The following TTN variants were observed in gnomAD, a reference collection of about 807,000 sequenced individuals.
TTN encodes titin.
In TTN, 1,525 loss-of-function variants were observed where a neutral mutation model predicts 3,223.0. The ratio of observed to expected loss-of-function variants is 0.47; its 90% confidence interval spans 0.45 to 0.49. The LOEUF (loss-of-function observed/expected upper bound fraction) is 0.49. TTN is among the 20% of genes least tolerant of loss of function. The probability of loss-of-function intolerance (pLI) is 0.00; values close to 1 mark genes in which losing one functional copy is unlikely to be tolerated. For missense variants in TTN, 40,786 were observed against 43,424.0 expected, an observed-to-expected ratio of 0.94 and a Z score of 5.40; for synonymous variants, 14,094 against 15,161.0, an observed-to-expected ratio of 0.93 and a Z score of 5.17.
rs796983452 is a variant in TTN at position 178,715,270 on chromosome 2, A to G, written c.25922-6T>C. ...TTTGCGGAAAATGGGTGGTTCTAAA[A>G]TTGGAAAAAAGGAAAATACGGATGT... On this transcript the variant is annotated splice_region_variant and splice_polypyrimidine_tract_variant and intron_variant, in intron 89 of 362. Coordinates refer to ENST00000589042, the MANE Select transcript of TTN (RefSeq NM_001267550.2). The G allele has an allele frequency of 6.3e-7, 1 of 1,592,282 alleles. No homozygotes were observed. The highest frequency in any genetic ancestry group is 1.4e-5 in the African/African-American group (1 of 73,682).
intron 220 of TTN, 91 bp from the exon 221 acceptor site, chr2:178,640,721 T>C (rs746954181): frequency 9.3e-7 from 1 of 1,071,588 alleles, no homozygotes; most frequent in Non-Finnish European, 1.4e-6. Flanking sequence ...AAAAACTCTA[T>C]GGATGGTTTT....
At position 178,636,459 on chromosome 2, in the gene TTN, G is replaced by A. The variant is rs748029584; in HGVS notation, c.41268C>T (p.Tyr13756=). 3 of 1,613,228 alleles carry A rather than the reference G, an allele frequency of 1.9e-6. No individual in the cohort carries two copies. The highest frequency in any genetic ancestry group is 2.2e-5 in the East Asian group (1 of 44,730). The change falls in exon 225 of 363, where the codon TAC becomes TAT. Residue 13756 remains tyrosine, a synonymous_variant. Coordinates refer to ENST00000589042, the MANE Select transcript of TTN (RefSeq NM_001267550.2). The surrounding 1 kb of genome is among the most constrained non-coding windows in gnomAD (Gnocchi z 4.3). ...IDVQLSDAGE[Y]TCVLRLGNKE... is the part of the protein sequence containing the mutation. ...TGTTTCCCAAACGTAAAACACAGGTGTATTCACCAGCATCGGAAAGTTGAA... is the reference window on the plus strand; with the variant it reads ...TGTTTCCCAAACGTAAAACACAGGTATATTCACCAGCATCGGAAAGTTGAA...
rs1334053206 is a variant in TTN, at chr2:178,723,035, A to C, written c.21961+11T>G. 1 of 1,611,376 alleles carries C rather than the reference A, an allele frequency of 6.2e-7. No homozygotes were observed. The highest frequency in any genetic ancestry group is 8.5e-7 in the Non-Finnish European group (1 of 1,178,634). Reference sequence around the variant, plus strand: ...AATGCAAATGATTTAAGAGACAATAAGACAACACACCTAATGTAGATACCA... The same window carrying C: ...AATGCAAATGATTTAAGAGACAATACGACAACACACCTAATGTAGATACCA... On this transcript the variant is annotated intron_variant, in intron 75 of 362. Transcript: ENST00000589042.
At chr2:178,702,324 T>C in intron 107 of TTN, 79 bp from the exon 108 acceptor site, 1 of 1,605,884 alleles carries the variant, frequency 6.2e-7, no homozygotes, top group Non-Finnish European at 8.5e-7. Flanking sequence ...ACGTATGTGT[T>C]TATTTACACT....
rs761146363 is a variant in TTN, at chr2:178,605,123, C to T, written c.54054G>A (p.Lys18018=). 3.1e-6 allele frequency: 5 copies of T among 1,612,602 alleles called. No homozygotes were observed. In the African/African-American group the frequency reaches 6.7e-5, roughly 22 times the overall value. The part of the protein sequence containing the change: ...EKPTDALQIT[K]EEVSRSEAKT... Reference sequence around the variant, plus strand: ...TTGCCTCACTTCGGGATACCTCTTCCTTGGTTATCTGAAGTGCATCAGTGG... The same window carrying T: ...TTGCCTCACTTCGGGATACCTCTTCTTTGGTTATCTGAAGTGCATCAGTGG... Residue 18018 remains lysine (K), a synonymous_variant, in exon 280 of 363, where the codon AAG becomes AAA. Transcript: ENST00000589042.
Position 178,706,669 on chromosome 2 carries a change from C to T in TTN, c.29205G>A (p.Lys9735=). The change falls in exon 102 of 363, where the codon AAG becomes AAA. Residue 9735 remains lysine (K), a synonymous_variant. Transcript: ENST00000589042. The part of the protein sequence containing the change: ...PIPNVKWTKG[K]WRQLNQGGRV... ...GACCTCCTTGGTTCAGCTGTCTCCA[C>T]TTCCCTTTTGTCCATTTAACATTTG... The T allele has an allele frequency of 1.9e-6, 3 of 1,613,908 alleles. No homozygotes were observed. Among genetic ancestry groups the T allele is most frequent in the Non-Finnish European group, 2.5e-6 (3 of 1,179,834 alleles).
rs764394936 is a variant in TTN, at chr2:178,768,931, T to C, written c.8905A>G (p.Ile2969Val). Residue 2969 changes from isoleucine (I) to valine (V), a missense_variant and splice_region_variant, in exon 38 of 363, where the codon ATC (isoleucine) becomes GTC (valine). Physicochemically the swap from Ile to Val is conservative, Grantham distance 29. Transcript: ENST00000589042. ...QVSATLTVTP[I>V]MITSMLKDIN... Reference sequence around the variant, plus strand: ...TCTTTCAGCATGGAAGTAATCATGATTGCTGCAAAGGAGAAAAGAAAAAAC... The same window carrying C: ...TCTTTCAGCATGGAAGTAATCATGACTGCTGCAAAGGAGAAAAGAAAAAAC... 2.1e-5 allele frequency: 34 copies of C among 1,613,558 alleles called. No individual in the cohort carries two copies. The Admixed American group carries it at 5.2e-4, about 25-fold the overall frequency.
intron 111 of TTN, among the ~76,000 whole-genome samples, chr2:178,699,580 T>A (rs2074495946): frequency 6.9e-6 from 1 of 145,000 alleles, no homozygotes; most frequent in South Asian, 2.3e-4. Flanking sequence ...CCCGGCTAAT[T>A]TTTTGTATTT....
At position 178,553,921 on chromosome 2, in the gene TTN, A is replaced by G. The variant is rs2154152422; in HGVS notation, c.89190T>C (p.Asp29730=). 2 of 1,595,614 alleles carry G rather than the reference A, an allele frequency of 1.3e-6. No individual in the cohort carries two copies. The highest frequency in any genetic ancestry group is 1.7e-4 in the Middle Eastern group (1 of 5,974). Residue 29730 remains aspartate, a synonymous_variant, in exon 333 of 363, where the codon GAT becomes GAC. Coordinates refer to ENST00000589042, the MANE Select transcript of TTN (RefSeq NM_001267550.2). ...SEPSEFYKAA[D]PIDPPGPPAK... The stretch of plus-strand genomic sequence containing the variant: ...GCAGGTATGAGCACTTACCAATAGG[A>G]TCAGCAGCTTTGTAGAATTCAGATG...
In TTN at chr2:178,546,837, C is replaced by T. The variant is rs765066425; in HGVS notation, c.94591G>A (p.Ala31531Thr). 14 of 1,607,932 alleles carry T rather than the reference C, an allele frequency of 8.7e-6. No individual in the cohort carries two copies. In the East Asian group the frequency reaches 2.5e-4, roughly 28 times the overall value. ...ACAACCTTGCTGCCTCCATCATACG[C>T]TGGGGCAGACCAAATCAGTGATACT... ...STVSLIWSAP[A>T]YDGGSKVVGY... Residue 31531 changes from alanine to threonine, a missense_variant, in exon 341 of 363, where the codon GCG (alanine) becomes ACG (threonine). By Grantham distance (58) the Ala-to-Thr change is moderately conservative (BLOSUM62 0). Transcript: ENST00000589042.
rs552279299 is a variant in TTN at position 178,647,854 on chromosome 2, G to A, written c.40058-390C>T. On this transcript the variant is annotated intron_variant, in intron 213 of 362. Transcript: ENST00000589042. ...AACTTTTATGCTTTAAAGGTGAAAA[G>A]CACATCTACCATTTTCCTCTAACGT... Among the ~76,000 whole-genome samples the A allele has an allele frequency of 1.3e-3, 197 of 152,052 alleles. 1 individual carries two copies. Among genetic ancestry groups the A allele is most frequent in the Non-Finnish European group, 2.2e-3 (153 of 68,006 alleles).
At position 178,598,830 on chromosome 2, in the gene TTN, T is replaced by C. The variant is rs377413828; in HGVS notation, c.56880A>G (p.Gln18960=). 5 of 1,613,248 alleles carry C rather than the reference T, an allele frequency of 3.1e-6. No individual in the cohort carries two copies. The highest frequency in any genetic ancestry group is 2.2e-5 in the South Asian group (2 of 91,064). The change falls in exon 291 of 363, where the codon CAA becomes CAG. Residue 18960 remains glutamine (Q), a synonymous_variant. Coordinates refer to ENST00000589042, the MANE Select transcript of TTN (RefSeq NM_001267550.2). The part of the protein sequence containing the change: ...VTGLIEGSDY[Q]FRVYAINAAG... ...CAGCATTGATTGCATATACCCGGAA[T>C]TGATAGTCGGAACCTTCAATAAGAC...
At chr2:178,757,227 A>ATACTGTACTTACTTTAAGTACAGTCAG (rs1553968975) in intron 45 of TTN, among the ~76,000 whole-genome samples, 1 of 150,312 alleles carries the variant, frequency 6.7e-6, no homozygotes, top group African/African-American at 2.4e-5. Context: ...ACAGTAAGTA[A>ATACTGTACTTACTTTAAGTACAGTCAG]TAATCAGCAA....
At chr2:178,621,044 A>G in intron 246 of TTN, 51 bp from the exon 247 acceptor site, 1 of 1,603,980 alleles carries the variant, frequency 6.2e-7, no homozygotes, top group Non-Finnish European at 8.5e-7. Context: ...CAAAGTGGTA[A>G]ATACAAATAC....
In TTN at chr2:178,739,350, G is replaced by C; in HGVS notation, c.13883C>G (p.Ser4628Cys). ...EEGDIVHLTT[S>C]ITNAKEVNWY... is the part of the protein sequence containing the mutation. The stretch of plus-strand genomic sequence containing the variant: ...ATTCACCTCTTTAGCATTTGTTATG[G>C]ATGTTGTGAGGTGTACAATATCACC... Residue 4628 changes from serine to cysteine, a missense_variant, in exon 48 of 363, where the codon TCC becomes TGC. Coordinates refer to ENST00000589042, the MANE Select transcript of TTN (RefSeq NM_001267550.2). 1 of 1,613,766 alleles carries C rather than the reference G, an allele frequency of 6.2e-7. No individual in the cohort carries two copies. Among genetic ancestry groups the C allele is most frequent in the Non-Finnish European group, 8.5e-7 (1 of 1,179,806 alleles).
intron 44 of TTN, among the ~76,000 whole-genome samples, chr2:178,758,373 C>A (rs934477636): frequency 1.3e-5 from 2 of 152,048 alleles, no homozygotes; most frequent in Non-Finnish European, 2.9e-5. Flanking sequence ...AAAAATAGTA[C>A]CACTATATAA....
rs1314840419 is a variant in TTN at position 178,720,230 on chromosome 2, G to A, written c.23412C>T (p.Thr7804=). 1.9e-6 allele frequency: 3 copies of A among 1,612,632 alleles called. No individual in the cohort carries two copies. Among genetic ancestry groups the A allele is most frequent in the Non-Finnish European group, 2.5e-6 (3 of 1,179,136 alleles). The part of the protein sequence containing the change: ...PPRFVKKLSD[T]STLIGDAVEL... ...CAACAGCATCCCCAATAAGGGTTGA[G>A]GTGTCACTTAGCTTTTTCACGAATC... Residue 7804 remains threonine (T), a synonymous_variant, in exon 81 of 363, where the codon ACC becomes ACT. Coordinates refer to ENST00000589042, the MANE Select transcript of TTN (RefSeq NM_001267550.2).
In TTN at chr2:178,557,220, A is replaced by G. The variant is rs781010286; in HGVS notation, c.88009+33T>C. The G allele has an allele frequency of 2.5e-6, 4 of 1,613,116 alleles. No individual in the cohort carries two copies. In the Admixed American group the frequency reaches 6.7e-5, roughly 27 times the overall value. Reference sequence around the variant, plus strand: ...CAGAAGTAAGATTTGCATTTTTGTTATCAGAACTGCCCTTCCCATGACAAA... The same window carrying G: ...CAGAAGTAAGATTTGCATTTTTGTTGTCAGAACTGCCCTTCCCATGACAAA... On this transcript the variant is annotated intron_variant, in intron 329 of 362. Transcript: ENST00000589042.
intron 241 of TTN, 140 bp downstream of exon 241, chr2:178,625,133 G>T: frequency 8.0e-7 from 1 of 1,246,434 alleles, no homozygotes; most frequent in Non-Finnish European, 1.1e-6. Flanking sequence ...ATTTTGTTAT[G>T]CTAAAAAGTA....
Sources: allele counts gnomAD v4.1 joint callset (sites outside exome capture counted in the v4.1 genomes callset), GRCh38; gene constraint gnomAD v4.1.1; non-coding constraint Gnocchi (gnomAD v3.1); transcripts MANE v1.5; gene names NCBI Gene and HGNC (gene_info 2026-07-23, HGNC 2026-07-21).